GRID1: variants seen among roughly 807,000 people sequenced by gnomAD.
GRID1 encodes the protein glutamate receptor ionotropic, delta-1.
In GRID1, 28 loss-of-function variants were observed where a neutral mutation model predicts 98.0. That is an observed-to-expected ratio of 0.29 (90% CI 0.21 to 0.39). The LOEUF (loss-of-function observed/expected upper bound fraction) is 0.39, where lower values mean the gene tolerates loss of function less well. GRID1 is among the 10% of genes least tolerant of loss of function. The probability of loss-of-function intolerance (pLI) is 1.00; values close to 1 mark genes in which losing one functional copy is unlikely to be tolerated. For synonymous variants in GRID1, 553 were observed against 538.5 expected, an observed-to-expected ratio of 1.03 and a Z score of -0.37; for missense variants, 1,111 against 1,340.5, an observed-to-expected ratio of 0.83 and a Z score of 2.67.
chr10:86,360,855 T>A (rs1848591449), intron 2 of GRID1, among the ~76,000 whole-genome samples: 1 of 152,126 alleles, frequency 6.6e-6, no homozygotes, highest in Non-Finnish European at 1.5e-5. Flanking sequence ...ACTGAAACTC[T>A]TTAAGCTCCA....
intron 2 of GRID1, among the ~76,000 whole-genome samples, chr10:86,249,726 T>C (rs747518243): frequency 6.6e-6 from 1 of 152,218 alleles, no homozygotes; most frequent in Admixed American, 6.5e-5. Flanking sequence ...AATGCTCAGA[T>C]GGCCTTCCTT....
chr10:85,705,755 C>A (rs1841508583), intron 12 of GRID1, among the ~76,000 whole-genome samples: 1 of 152,106 alleles, frequency 6.6e-6, no homozygotes, highest in Non-Finnish European at 1.5e-5. Flanking sequence ...AAAGCTTACC[C>A]ACCATGAGCC....
chr10:85,751,398 G>T (rs2132686588), intron 8 of GRID1, among the ~76,000 whole-genome samples: 1 of 152,312 alleles, frequency 6.6e-6, no homozygotes, highest in South Asian at 2.1e-4. Flanking sequence ...ATATTAGAAA[G>T]AAAGCATCAC....
intron 4 of GRID1, among the ~76,000 whole-genome samples, chr10:86,107,320 G>A (rs1200830387): frequency 6.6e-6 from 1 of 152,232 alleles, no homozygotes; most frequent in Non-Finnish European, 1.5e-5. Context: ...ACTGCTGGAG[G>A]TGTGCCCTGA....
intron 3 of GRID1, among the ~76,000 whole-genome samples, chr10:86,170,043 T>G (rs1845459762): frequency 6.6e-6 from 1 of 152,188 alleles, no homozygotes; most frequent in African/African-American, 2.4e-5. Context: ...AGACAGGCCT[T>G]TCCGCCCATC....
At chr10:86,240,693 T>G (rs1846615056) in intron 2 of GRID1, among the ~76,000 whole-genome samples, 1 of 152,050 alleles carries the variant, frequency 6.6e-6, no homozygotes. Flanking sequence ...GCTGCCCAGA[T>G]AAGGAGTCCA....
At chr10:86,292,681 G>A (rs1320685682) in intron 2 of GRID1, among the ~76,000 whole-genome samples, 1 of 152,188 alleles carries the variant, frequency 6.6e-6, no homozygotes, top group South Asian at 2.1e-4. Context: ...GGCTGTGTGT[G>A]CAAGTGTGGG....
At chr10:85,628,820 C>G (rs1203004840) in intron 13 of GRID1, among the ~76,000 whole-genome samples, 1 of 152,130 alleles carries the variant, frequency 6.6e-6, no homozygotes, top group Non-Finnish European at 1.5e-5. Context: ...GTTAATTTGG[C>G]TCCTGGCTGC....
chr10:85,612,614 G>A (rs897626142), intron 15 of GRID1, among the ~76,000 whole-genome samples: 8 of 152,116 alleles, frequency 5.3e-5, no homozygotes, highest in African/African-American at 1.9e-4. Context: ...ACAGCCCCAC[G>A]GATGGTGTGG....
chr10:86,298,940 G>A (rs1847636880), intron 2 of GRID1, among the ~76,000 whole-genome samples: 1 of 151,952 alleles, frequency 6.6e-6, no homozygotes, highest in Non-Finnish European at 1.5e-5. Flanking sequence ...GGAAGGAGTG[G>A]ACAGCATCCC....
chr10:86,114,632 T>C (rs567239665), intron 4 of GRID1, among the ~76,000 whole-genome samples: 3 of 152,222 alleles, frequency 2.0e-5, no homozygotes, highest in African/African-American at 7.2e-5. Flanking sequence ...GTTGGAAACA[T>C]TCTCAACTCC....
At position 85,653,960 on chromosome 10, in the gene GRID1, G is replaced by GA. The variant is rs111388204; in HGVS notation, c.1998-6564dup. Among the ~76,000 whole-genome samples the GA allele has an allele frequency of 2.9e-3, 443 of 152,036 alleles. 4 individuals carry two copies. Among genetic ancestry groups the GA allele is most frequent in the African/African-American group, 9.8e-3 (406 of 41,462 alleles). ...GTTTAAGGTATTCTGTTATAAGCAA[G>GA]AAAAAAAAGACTAAGAAAACAGTTC... On this transcript the variant is annotated intron_variant, in intron 12 of 15. Coordinates refer to ENST00000327946, the MANE Select transcript of GRID1 (RefSeq NM_017551.3).
chr10:85,832,102 T>G (rs949995976), intron 8 of GRID1, among the ~76,000 whole-genome samples: 1 of 152,118 alleles, frequency 6.6e-6, no homozygotes, highest in African/African-American at 2.4e-5. Flanking sequence ...GTGGAAATAC[T>G]TATTGAAAAT....
chr10:85,986,091 C>A (rs1447535920), intron 4 of GRID1, among the ~76,000 whole-genome samples: 1 of 152,248 alleles, frequency 6.6e-6, no homozygotes, highest in African/African-American at 2.4e-5. Flanking sequence ...TAATAAAATT[C>A]TGTAGCACTA....
intron 15 of GRID1, among the ~76,000 whole-genome samples, chr10:85,604,416 A>G (rs893118807): frequency 2.0e-5 from 3 of 152,174 alleles, no homozygotes; most frequent in African/African-American, 7.2e-5. Flanking sequence ...TCATAGGTGA[A>G]AATGACATCA....
chr10:86,187,927 G>T (rs1280836844), intron 3 of GRID1, among the ~76,000 whole-genome samples: 3 of 152,184 alleles, frequency 2.0e-5, no homozygotes, highest in African/African-American at 7.2e-5. Flanking sequence ...TTGATGGAAG[G>T]GAAATAAGTC....
intron 12 of GRID1, among the ~76,000 whole-genome samples, chr10:85,715,104 C>A (rs572812550): frequency 6.6e-6 from 1 of 152,090 alleles, no homozygotes; most frequent in African/African-American, 2.4e-5. Flanking sequence ...GTCAATTGAT[C>A]TTTGACAAAG....
chr10:85,654,074 C>T (rs1056980728), intron 12 of GRID1, among the ~76,000 whole-genome samples: 1 of 152,154 alleles, frequency 6.6e-6, no homozygotes, highest in Non-Finnish European at 1.5e-5. Context: ...CACTTAGTGA[C>T]CCACAGGGTG....
intron 4 of GRID1, among the ~76,000 whole-genome samples, chr10:86,043,203 A>G (rs963091961): frequency 1.3e-5 from 2 of 152,198 alleles, no homozygotes; most frequent in Admixed American, 6.5e-5. Flanking sequence ...CCAAGCCCCA[A>G]GCCCCTCATC....
Sources: allele counts gnomAD v4.1 joint callset (sites outside exome capture counted in the v4.1 genomes callset), GRCh38; gene constraint gnomAD v4.1.1; transcripts MANE v1.5; gene names NCBI Gene and HGNC (gene_info 2026-07-23, HGNC 2026-07-21).